Variants in ANKS1B observed in about 807,000 individuals in gnomAD.
ANKS1B encodes ankyrin repeat and sterile alpha motif domain containing 1B, also known as ankyrin repeat and sterile alpha motif domain-containing protein 1B.
ANKS1B carries 36 observed loss-of-function variants against 148.3 expected under a neutral mutation model. The ratio of observed to expected loss-of-function variants is 0.24; its 90% CI spans 0.19 to 0.32. The LOEUF is 0.32. ANKS1B is among the 10% of genes least tolerant of loss of function. ANKS1B has a pLI of 1.00. For synonymous variants in ANKS1B, 542 were observed against 560.8 expected (o/e 0.97, Z 0.47); for missense variants, 1,157 against 1,542.6 (o/e 0.75, Z 4.19).
intron 17 of ANKS1B, among the ~76,000 whole-genome samples, chr12:98,947,575 A>G (rs1438979949): frequency 6.6e-6 from 1 of 152,196 alleles, no homozygotes; most frequent in Non-Finnish European, 1.5e-5. Context: ...GAGAAGTCCA[A>G]CCCAAACACA....
chr12:99,157,239 A>T (rs560771533), intron 14 of ANKS1B, among the ~76,000 whole-genome samples: 49 of 152,330 alleles, frequency 3.2e-4, no homozygotes, highest in Admixed American at 1.5e-3. Context: ...AGCTGTTACA[A>T]GGTGGAAGAA....
At chr12:99,008,862 C>T (rs1376147574) in intron 17 of ANKS1B, among the ~76,000 whole-genome samples, 1 of 151,886 alleles carries the variant, frequency 6.6e-6, no homozygotes. Context: ...GTGAAATGAC[C>T]CCTAGCAGAA....
chr12:99,908,759 C>T (rs2093887832), intron 1 of ANKS1B, among the ~76,000 whole-genome samples: 2 of 152,128 alleles, frequency 1.3e-5, no homozygotes, highest in African/African-American at 4.8e-5. Context: ...TTAAGGTATA[C>T]AACATGATGT....
At chr12:99,360,697 A>G (rs539598470) in intron 12 of ANKS1B, among the ~76,000 whole-genome samples, 2 of 152,134 alleles carry the variant, frequency 1.3e-5, no homozygotes, top group Non-Finnish European at 2.9e-5. Context: ...GGGTCTCTCA[A>G]TGAAAAGATG....
intron 1 of ANKS1B, among the ~76,000 whole-genome samples, chr12:99,829,371 C>T (rs2083629020): frequency 6.6e-6 from 1 of 152,058 alleles, no homozygotes; most frequent in South Asian, 2.1e-4. Context: ...AATAATTAGG[C>T]CGGGCGCGGT....
At chr12:99,256,109 C>T (rs891603555) in intron 12 of ANKS1B, among the ~76,000 whole-genome samples, 12 of 151,822 alleles carry the variant, frequency 7.9e-5, no homozygotes, top group South Asian at 2.1e-4. Flanking sequence ...AATCAACTGG[C>T]TGTGGTGGTG....
intron 16 of ANKS1B, among the ~76,000 whole-genome samples, chr12:99,057,712 A>G (rs559847818): frequency 1.3e-5 from 2 of 151,836 alleles, no homozygotes; most frequent in African/African-American, 4.8e-5. Context: ...ATGCTGGCCA[A>G]TAGAATGCGT....
chr12:99,161,833 T>C (rs949088582), intron 14 of ANKS1B, among the ~76,000 whole-genome samples: 3 of 152,156 alleles, frequency 2.0e-5, no homozygotes, highest in African/African-American at 7.2e-5. Context: ...CTGGATGTGA[T>C]ATCAAATGAG....
At chr12:99,089,491 A>G (rs1452361232) in intron 15 of ANKS1B, among the ~76,000 whole-genome samples, 2 of 152,258 alleles carry the variant, frequency 1.3e-5, no homozygotes, top group Non-Finnish European at 2.9e-5. Flanking sequence ...CAACAAAGAT[A>G]CAGAACATCG....
At chr12:99,098,553 T>C (rs1267389611) in intron 15 of ANKS1B, among the ~76,000 whole-genome samples, 1 of 150,318 alleles carries the variant, frequency 6.7e-6, no homozygotes, top group African/African-American at 2.4e-5. Context: ...GACATAATGT[T>C]TATGAAGTTG....
At chr12:99,185,940 C>T (rs1241407188) in intron 14 of ANKS1B, among the ~76,000 whole-genome samples, 1 of 152,162 alleles carries the variant, frequency 6.6e-6, no homozygotes, top group Non-Finnish European at 1.5e-5. Flanking sequence ...GCCAAGTGGT[C>T]TAGCTCAGTG....
intron 15 of ANKS1B, chr12:99,097,218 A>C (rs2056466762): frequency 6.6e-6 from 1 of 152,194 alleles, no homozygotes; most frequent in South Asian, 2.1e-4. Flanking sequence ...TGAGCTGGAA[A>C]TTCTAATATG....
intron 9 of ANKS1B, among the ~76,000 whole-genome samples, chr12:99,626,325 C>T (rs1307830627): frequency 1.3e-5 from 2 of 152,114 alleles, no homozygotes; most frequent in East Asian, 1.9e-4. Context: ...AAAAATGGTA[C>T]ATCAAAGGTA....
chr12:99,340,611 T>C (rs1316836950), intron 12 of ANKS1B, among the ~76,000 whole-genome samples: 1 of 152,000 alleles, frequency 6.6e-6, no homozygotes, highest in Non-Finnish European at 1.5e-5. Context: ...TTTCCCCTAC[T>C]TGATCTGCAA....
chr12:99,573,971 T>G (rs777814044), intron 9 of ANKS1B, among the ~76,000 whole-genome samples: 14 of 152,216 alleles, frequency 9.2e-5, no homozygotes, highest in South Asian at 2.1e-4. Flanking sequence ...TATTCCAGTC[T>G]GCCTTTCAGA....
intron 17 of ANKS1B, among the ~76,000 whole-genome samples, chr12:98,967,385 T>C (rs1269523086): frequency 1.3e-5 from 2 of 151,982 alleles, no homozygotes; most frequent in East Asian, 1.9e-4. Flanking sequence ...ACCTCCACTA[T>C]CTTCTGTTAT....
At chr12:99,898,648 T>C (rs1300411471) in intron 1 of ANKS1B, among the ~76,000 whole-genome samples, 3 of 152,148 alleles carry the variant, frequency 2.0e-5, no homozygotes, top group Admixed American at 6.5e-5. Context: ...ATTTGCTACA[T>C]ATAATGGGTA....
chr12:99,092,218 G>A (rs1397978348), intron 15 of ANKS1B, among the ~76,000 whole-genome samples: 17 of 152,092 alleles, frequency 1.1e-4, no homozygotes, highest in Admixed American at 1.1e-3. Flanking sequence ...GTGTCTCACT[G>A]GGTTGACACC....
intron 17 of ANKS1B, among the ~76,000 whole-genome samples, chr12:98,967,028 T>TA (rs1219018191): frequency 6.6e-6 from 1 of 152,006 alleles, no homozygotes; most frequent in African/African-American, 2.4e-5. Flanking sequence ...CCCTAGAACT[T>TA]AAAGTATAAG....
Sources: allele counts gnomAD v4.1 joint callset (sites outside exome capture counted in the v4.1 genomes callset), GRCh38; gene constraint gnomAD v4.1.1; transcripts MANE v1.5; gene names NCBI Gene and HGNC (gene_info 2026-07-23, HGNC 2026-07-21).